MGAT4C: variants seen among roughly 807,000 people sequenced by gnomAD.
MGAT4C encodes the protein alpha-1,3-mannosyl-glycoprotein 4-beta-N-acetylglucosaminyltransferase C.
Under a neutral mutation model 40.1 loss-of-function variants are expected in MGAT4C, and 19 were observed. The ratio of observed to expected loss-of-function variants is 0.47; its 90% confidence interval spans 0.33 to 0.70. The LOEUF (loss-of-function observed/expected upper bound fraction) is 0.70. Among genes scored for constraint, MGAT4C ranks in the 30% least tolerant of loss-of-function variants. The probability of loss-of-function intolerance (pLI) is 0.02; values close to 1 mark genes in which losing one functional copy is unlikely to be tolerated. For missense variants in MGAT4C, 491 were observed against 563.2 expected, an observed-to-expected ratio of 0.87 and a Z score of 1.30; for synonymous variants, 181 against 187.1, an observed-to-expected ratio of 0.97 and a Z score of 0.27.
At chr12:86,093,215 C>T (rs1873201024) in intron 1 of MGAT4C, among the ~76,000 whole-genome samples, 1 of 152,136 alleles carries the variant, frequency 6.6e-6, no homozygotes, top group South Asian at 2.1e-4. Context: ...TCCCTTATTA[C>T]TAAATCTTCT....
At chr12:86,774,030 T>C (rs1951686801) in intron 1 of MGAT4C, among the ~76,000 whole-genome samples, 1 of 140,770 alleles carries the variant, frequency 7.1e-6, no homozygotes, top group Admixed American at 7.8e-5. Flanking sequence ...CTGGGCTTAC[T>C]GCGACCTCTG....
chr12:85,980,190 T>C lies in MGAT4C; in HGVS notation c.536A>G (p.Tyr179Cys). Residue 179 changes from tyrosine (Y) to cysteine (C), a missense_variant, in exon 5 of 5, where the codon TAC becomes TGC. Transcript: ENST00000611864. ...TCTTTTAAGGCCATCTAGGATTGGG[T>C]AATACTCCTCTGGAGCATGTATAAC... is the stretch of plus-strand genomic sequence containing the variant. ...LMVIHAPEEY[Y>C]PILDGLKRNY... 6.2e-7 allele frequency: 1 copy of C among 1,613,940 alleles called. No homozygotes were observed. The highest frequency in any genetic ancestry group is 8.5e-7 in the Non-Finnish European group (1 of 1,179,890).
chr12:86,182,975 T>C (rs1374526578), intron 1 of MGAT4C, among the ~76,000 whole-genome samples: 1 of 152,154 alleles, frequency 6.6e-6, no homozygotes, highest in Non-Finnish European at 1.5e-5. Context: ...TGGGGTAGTT[T>C]AGATTTGTGC....
chr12:86,230,693 GT>G (rs1951280382), intron 1 of MGAT4C, among the ~76,000 whole-genome samples: 1 of 152,038 alleles, frequency 6.6e-6, no homozygotes, highest in South Asian at 2.1e-4. Flanking sequence ...ACTTTCATAT[GT>G]TTATATGGGA....
chr12:86,419,938 A>T (rs972221326), intron 3 of MGAT4C, among the ~76,000 whole-genome samples: 3 of 152,186 alleles, frequency 2.0e-5, no homozygotes, highest in Non-Finnish European at 4.4e-5. Context: ...AGAGATAGGA[A>T]AAAACACTAC....
intron 2 of MGAT4C, among the ~76,000 whole-genome samples, chr12:86,581,440 T>C (rs530583998): frequency 1.3e-5 from 2 of 151,574 alleles, no homozygotes; most frequent in African/African-American, 4.8e-5. Flanking sequence ...TATTAAATGC[T>C]TGCTGCTAGG....
intron 3 of MGAT4C, among the ~76,000 whole-genome samples, chr12:86,420,010 ATT>A (rs11320834): frequency 1.3e-5 from 2 of 151,468 alleles, no homozygotes; most frequent in Admixed American, 6.6e-5. Flanking sequence ...AAAGACCATA[ATT>A]TTTTTTTTAA....
At chr12:86,120,083 G>A (rs1879121142) in intron 1 of MGAT4C, among the ~76,000 whole-genome samples, 1 of 151,104 alleles carries the variant, frequency 6.6e-6, no homozygotes, top group South Asian at 2.1e-4. Context: ...CAACTTTCCT[G>A]GGCCTCAGTC....
chr12:86,544,800 T>A (rs1253115245), intron 2 of MGAT4C, among the ~76,000 whole-genome samples: 1 of 152,066 alleles, frequency 6.6e-6, no homozygotes, highest in East Asian at 1.9e-4. Flanking sequence ...AACTTAGAAA[T>A]ATAGTACCTT....
intron 1 of MGAT4C, among the ~76,000 whole-genome samples, chr12:86,191,828 T>C (rs1054815390): frequency 1.4e-5 from 2 of 142,066 alleles, no homozygotes; most frequent in African/African-American, 2.6e-5. Flanking sequence ...ACAATAGCAA[T>C]GACTTGGAAC....
At chr12:86,095,636 C>CT (rs11332636) in intron 1 of MGAT4C, among the ~76,000 whole-genome samples, 2,866 of 144,342 alleles carry the variant, frequency 0.02, 31 homozygotes, top group Middle Eastern at 0.034. Context: ...GGACTATTTT[C>CT]TTTTTTTTTT....
chr12:86,330,052 A>G (rs571219641), intron 4 of MGAT4C, among the ~76,000 whole-genome samples: 43 of 152,336 alleles, frequency 2.8e-4, no homozygotes, highest in African/African-American at 8.2e-4. Flanking sequence ...ACCTACAAAT[A>G]TAGACTTATT....
intron 3 of MGAT4C, among the ~76,000 whole-genome samples, chr12:86,367,837 C>T (rs1382617319): frequency 6.6e-6 from 1 of 151,472 alleles, no homozygotes; most frequent in African/African-American, 2.4e-5. Flanking sequence ...CAAAAAACAA[C>T]AACAACAAAA....
At chr12:86,785,418 G>A (rs950926883) in intron 1 of MGAT4C, among the ~76,000 whole-genome samples, 1 of 151,814 alleles carries the variant, frequency 6.6e-6, no homozygotes, top group Non-Finnish European at 1.5e-5. Flanking sequence ...AATTCTTCCT[G>A]AAAATTAAAT....
At chr12:86,085,461 A>C (rs908699507) in intron 1 of MGAT4C, among the ~76,000 whole-genome samples, 2 of 152,142 alleles carry the variant, frequency 1.3e-5, no homozygotes, top group African/African-American at 2.4e-5. Flanking sequence ...TAAATAGGGA[A>C]TCTTTCCCCA....
At chr12:86,176,262 G>A (rs1029380062) in intron 1 of MGAT4C, among the ~76,000 whole-genome samples, 9 of 152,086 alleles carry the variant, frequency 5.9e-5, no homozygotes, top group Admixed American at 2.0e-4. Flanking sequence ...ATACAGGATC[G>A]TATGTTCTTT....
chr12:86,620,341 T>TCA (rs142544847), intron 2 of MGAT4C, among the ~76,000 whole-genome samples: 4,032 of 149,892 alleles, frequency 0.027, 79 homozygotes, highest in African/African-American at 0.053. Flanking sequence ...AGATAAAATA[T>TCA]CACACACACA....
intron 1 of MGAT4C, among the ~76,000 whole-genome samples, chr12:86,218,737 T>G (rs749869933): frequency 3.9e-5 from 6 of 152,300 alleles, no homozygotes; most frequent in Non-Finnish European, 7.4e-5. Context: ...TGGCAGGTTT[T>G]CATTCTAAGG....
chr12:86,718,878 C>T (rs768664199), intron 2 of MGAT4C, among the ~76,000 whole-genome samples: 5 of 151,948 alleles, frequency 3.3e-5, no homozygotes, highest in African/African-American at 1.2e-4. Context: ...AAATTCTTTT[C>T]TATGAAACTA....
Sources: gnomAD v4.1 joint callset for allele counts (sites outside exome capture counted in the v4.1 genomes callset) on GRCh38, gnomAD v4.1.1 for gene constraint, MANE v1.5 for transcripts, NCBI Gene and HGNC (gene_info 2026-07-23, HGNC 2026-07-21) for gene names.